The following PCDHGA4 variants were observed in gnomAD, a reference collection of about 807,000 sequenced individuals.
PCDHGA4 encodes the protein protocadherin gamma subfamily A, 4.
Under a neutral mutation model 54.6 loss-of-function variants are expected in PCDHGA4, and 38 were observed. The observed-to-expected ratio is 0.70, with a 90% CI of 0.54 to 0.91. The LOEUF is 0.91. Ranked by LOEUF, PCDHGA4 falls within the 40% of genes least tolerant of loss-of-function variation. The pLI, the probability that PCDHGA4 is intolerant of heterozygous loss-of-function variation, is 0.00. For synonymous variants in PCDHGA4, 511 were observed against 512.9 expected, an observed-to-expected ratio of 1.00 and a Z score of 0.05; for missense variants, 1,298 against 1,220.9, an observed-to-expected ratio of 1.06 and a Z score of -0.94.
At chr5:141,427,923 C>T (rs2097089935) in intron 1 of PCDHGA4, 3 of 1,580,656 alleles carry the variant, frequency 1.9e-6, no homozygotes, top group African/African-American at 1.3e-5. Context: ...CATGAGCCGG[C>T]GCATGTTGGT....
chr5:141,506,444 CAAAAA>C (rs1219684339), intron 3 of PCDHGA4, among the ~76,000 whole-genome samples: 4 of 95,024 alleles, frequency 4.2e-5, no homozygotes, highest in Admixed American at 1.1e-4. Flanking sequence ...CGCTCTGTCT[CAAAAA>C]AAAAAAAAAA....
chr5:141,459,404 G>C (rs2098967432), intron 1 of PCDHGA4, among the ~76,000 whole-genome samples: 1 of 152,182 alleles, frequency 6.6e-6, no homozygotes, highest in Non-Finnish European at 1.5e-5. Flanking sequence ...GAGCAGTATT[G>C]CATTGTGTGG....
chr5:141,473,476 A>G (rs1300050332), intron 1 of PCDHGA4, among the ~76,000 whole-genome samples: 15 of 151,558 alleles, frequency 9.9e-5, no homozygotes, highest in Admixed American at 9.2e-4. Context: ...GCCAAGTTCA[A>G]TGGAAAAAAT....
chr5:141,508,599 G>T lies in PCDHGA4; in HGVS notation c.2663-2348G>T, dbSNP rs948748985. On this transcript the variant is annotated intron_variant, in intron 3 of 3. Coordinates refer to ENST00000571252, the MANE Select transcript of PCDHGA4 (RefSeq NM_018917.4). ...CTCGGGGTGCTACTCAGAGATCTTGGGTGCACATAGGACGTGGGTGGGCCG... is the reference window on the plus strand; with the variant it reads ...CTCGGGGTGCTACTCAGAGATCTTGTGTGCACATAGGACGTGGGTGGGCCG... Among the ~76,000 whole-genome samples the T allele has an allele frequency of 3.9e-5, 6 of 152,212 alleles. No individual in the cohort carries two copies. The South Asian group carries it at 1.2e-3, about 32-fold the overall frequency.
chr5:141,434,964 T>C (rs2154556462), intron 1 of PCDHGA4, among the ~76,000 whole-genome samples: 1 of 152,004 alleles, frequency 6.6e-6, no homozygotes, highest in East Asian at 1.9e-4. Context: ...ATTTATAAAA[T>C]TACTTTGTTA....
chr5:141,374,428 T>C, intron 1 of PCDHGA4: 1 of 1,613,952 alleles, frequency 6.2e-7, no homozygotes, highest in Admixed American at 1.7e-5. Flanking sequence ...ATAAACTGAA[T>C]CTTTATCCCG....
At position 141,511,410 on chromosome 5, in the gene PCDHGA4, T is replaced by A; in HGVS notation, c.*237T>A. The stretch of plus-strand genomic sequence containing the variant: ...GGAACCCCCATCCAATCAACTGCTG[T>A]ACCCATGGGGGTAGTGGGGTTACTG... On this transcript the variant is annotated 3_prime_UTR_variant, in exon 4 of 4. Coordinates refer to ENST00000571252, the MANE Select transcript of PCDHGA4 (RefSeq NM_018917.4). 1 of 908,820 alleles carries A rather than the reference T, an allele frequency of 1.1e-6. No individual in the cohort carries two copies. The highest frequency in any genetic ancestry group is 1.6e-6 in the Non-Finnish European group (1 of 624,202). 56.3% of individuals were successfully genotyped at this position (908,820 alleles called of 1,614,324 possible). A position where few individuals can be genotyped will look rare whatever the true frequency, so the allele number is the denominator to read the frequency against.
rs2090286148 is a variant in PCDHGA4 at position 141,385,565 on chromosome 5, C to T, written c.2514+27944C>T. ...GGACTATCACATTTTATAATTTCCA[C>T]CTACTTTCCAATCTATGTTCCAACC... On this transcript the variant is annotated intron_variant, in intron 1 of 3. Transcript: ENST00000571252. 2.3e-6 allele frequency: 3 copies of T among 1,302,312 alleles called. No homozygotes were observed. In the African/African-American group the frequency reaches 4.6e-5, roughly 20 times the overall value. 80.7% of individuals were successfully genotyped at this position (1,302,312 alleles called of 1,614,324 possible). A position where few individuals can be genotyped will look rare whatever the true frequency, so the allele number is the denominator to read the frequency against.
chr5:141,368,577 T>G (rs1765736548), intron 1 of PCDHGA4, among the ~76,000 whole-genome samples: 1 of 152,068 alleles, frequency 6.6e-6, no homozygotes, highest in Admixed American at 6.5e-5. Flanking sequence ...CTTCTTAGGG[T>G]AAGGTGTTTG....
In PCDHGA4 at chr5:141,430,746, G is replaced by A. The variant is rs369205374; in HGVS notation, c.2515-64061G>A. ...TAAGGGCAGAATTGAAAATAATTCTGGAGGAAGATAAGAATGATTCCTGCG... is the reference window on the plus strand; with the variant it reads ...TAAGGGCAGAATTGAAAATAATTCTAGAGGAAGATAAGAATGATTCCTGCG... On this transcript the variant is annotated intron_variant, in intron 1 of 3. Coordinates refer to ENST00000571252, the MANE Select transcript of PCDHGA4 (RefSeq NM_018917.4). 3.3e-5 allele frequency: 49 copies of A among 1,500,684 alleles called. No homozygotes were observed. The African/African-American group carries it at 6.3e-4, about 19-fold the overall frequency. The allele number at this position is 1,500,684 out of a possible 1,614,324, so 93.0% of individuals were successfully genotyped here.
At position 141,491,039 on chromosome 5, in the gene PCDHGA4, G is replaced by T; in HGVS notation, c.2515-3768G>T. 1 of 1,614,180 alleles carries T rather than the reference G, an allele frequency of 6.2e-7. No individual in the cohort carries two copies. The highest frequency in any genetic ancestry group is 1.1e-5 in the South Asian group (1 of 91,090). ...GTGACAGCCGTGGATGCTGATGCAGGCCACAATGCGTGGCTCTCCTACTCA... is the reference window on the plus strand; with the variant it reads ...GTGACAGCCGTGGATGCTGATGCAGTCCACAATGCGTGGCTCTCCTACTCA... On this transcript the variant is annotated intron_variant, in intron 1 of 3. Transcript: ENST00000571252. The surrounding 1 kb of genome is among the most constrained non-coding windows in gnomAD (Gnocchi z 6.9).
chr5:141,490,184 TC>T lies in PCDHGA4; in HGVS notation c.2515-4622del, dbSNP rs1293752541. The T allele has an allele frequency of 1.2e-6, 2 of 1,614,196 alleles. No individual in the cohort carries two copies. The highest frequency in any genetic ancestry group is 1.7e-6 in the Non-Finnish European group (2 of 1,180,030). On this transcript the variant is annotated intron_variant, in intron 1 of 3. Coordinates refer to ENST00000571252, the MANE Select transcript of PCDHGA4 (RefSeq NM_018917.4). This position sits in a 1 kb window ranked among gnomAD's most constrained non-coding sequence, Gnocchi z 5.4. The stretch of plus-strand genomic sequence containing the variant: ...CCCATAGACTTTGAGGAGTCACGTT[TC>T]TATGAAATTCATGCAAGAGCCCGTG...
intron 1 of PCDHGA4, chr5:141,423,623 C>T (rs1391650851): frequency 6.2e-7 from 1 of 1,607,330 alleles, no homozygotes; most frequent in South Asian, 1.1e-5. Context: ...GAAGACTCAG[C>T]TATCATTTTA....
At chr5:141,383,469 G>A (rs1779161077) in intron 1 of PCDHGA4, 1 of 1,613,786 alleles carries the variant, frequency 6.2e-7, no homozygotes, top group South Asian at 1.1e-5. Flanking sequence ...ATGAAACTAA[G>A]TACCCGGAAC....
Position 141,489,600 on chromosome 5 carries a change from G to A in PCDHGA4, c.2515-5207G>A, listed in dbSNP as rs1407225048. 8.1e-6 allele frequency: 13 copies of A among 1,614,034 alleles called. No homozygotes were observed. Among genetic ancestry groups the A allele is most frequent in the Non-Finnish European group, 1.1e-5 (13 of 1,179,962 alleles). ...ACCCCCTGGAGCTAATCCGTGTAGA[G>A]GTAGAGATCCTGGATCTCAATGACA... On this transcript the variant is annotated intron_variant, in intron 1 of 3. Transcript: ENST00000571252. This position sits in a 1 kb window ranked among gnomAD's most constrained non-coding sequence, Gnocchi z 4.5.
At position 141,390,470 on chromosome 5, in the gene PCDHGA4, G is replaced by A; in HGVS notation, c.2514+32849G>A. On this transcript the variant is annotated intron_variant, in intron 1 of 3. Transcript: ENST00000571252. ...AGGAGTAAAGTAGGAGCAATTGTGTGGCCCAACATTTGTTTGTTTTTTAGC... is the reference window on the plus strand; with the variant it reads ...AGGAGTAAAGTAGGAGCAATTGTGTAGCCCAACATTTGTTTGTTTTTTAGC... 4.3e-6 allele frequency: 3 copies of A among 699,244 alleles called. No individual in the cohort carries two copies. In the South Asian group the frequency reaches 6.0e-5, roughly 14 times the overall value. The allele number at this position is 699,244 out of a possible 1,614,324, so 43.3% of individuals were successfully genotyped here.
intron 1 of PCDHGA4, among the ~76,000 whole-genome samples, chr5:141,466,724 A>G (rs2099128017): frequency 6.6e-6 from 1 of 152,148 alleles, no homozygotes. Flanking sequence ...TTTCCATTTT[A>G]GCAGAATTCA....
At chr5:141,427,858 C>T in intron 1 of PCDHGA4, 1 of 1,555,500 alleles carries the variant, frequency 6.4e-7, no homozygotes, top group South Asian at 1.1e-5. Context: ...CAGCTGTGCG[C>T]CTTCGAGCTC....
At position 141,491,711 on chromosome 5, in the gene PCDHGA4, C is replaced by T. The variant is rs528931820; in HGVS notation, c.2515-3096C>T. 1.5e-5 allele frequency: 24 copies of T among 1,609,240 alleles called. No homozygotes were observed. In the African/African-American group the frequency reaches 1.7e-4, roughly 12 times the overall value. On this transcript the variant is annotated intron_variant, in intron 1 of 3. Transcript: ENST00000571252. This position sits in a 1 kb window ranked among gnomAD's most constrained non-coding sequence, Gnocchi z 6.9. ...CGGGAGCGGAGCCAGGTGAGGGGCT[C>T]GGCGCCGCCCCGGGCGACCCCTGGG... is the stretch of plus-strand genomic sequence containing the variant.
Sources: allele counts gnomAD v4.1 joint callset (sites outside exome capture counted in the v4.1 genomes callset), GRCh38; gene constraint gnomAD v4.1.1; non-coding constraint Gnocchi (gnomAD v3.1); transcripts MANE v1.5; gene names NCBI Gene and HGNC (gene_info 2026-07-23, HGNC 2026-07-21).